Variants in CCDC86 observed in about 807,000 individuals in gnomAD.
CCDC86 encodes the protein coiled-coil domain containing 86.
In CCDC86, 28 loss-of-function variants were observed where a neutral mutation model predicts 36.7. The observed-to-expected ratio is 0.76, with a 90% CI of 0.57 to 1.05. The LOEUF (loss-of-function observed/expected upper bound fraction) is 1.05, where lower values mean the gene tolerates loss of function less well. Among genes scored for constraint, CCDC86 ranks in the 50% least tolerant of loss-of-function variants. CCDC86 has a pLI of 0.00. For synonymous variants in CCDC86, 199 were observed against 203.4 expected, an observed-to-expected ratio of 0.98 and a Z score of 0.18; for missense variants, 453 against 470.2, an observed-to-expected ratio of 0.96 and a Z score of 0.34.
intron 1 of CCDC86, 23 bp downstream of exon 1, chr11:60,842,905 CA>C (rs1182416164): frequency 2.6e-6 from 4 of 1,540,816 alleles, no homozygotes; most frequent in Admixed American, 4.0e-5. Flanking sequence ...ACAGCATGGA[CA>C]GGGGTGGCGT....
chr11:60,842,755 G>A lies in CCDC86; in HGVS notation c.631G>A (p.Ala211Thr), dbSNP rs746333569. ...GGAGACGGTGACAGGCGGCTTCGGG[G>A]CAAAGAAGCGAAAAGGTTCTTCATC... The part of the protein sequence containing the change: ...AGETVTGGFG[A>T]KKRKGSSSQA... Residue 211 changes from alanine to threonine, a missense_variant, in exon 1 of 4, where the codon GCA (alanine) becomes ACA (threonine). Coordinates refer to ENST00000227520, the MANE Select transcript of CCDC86 (RefSeq NM_024098.4). 3.7e-6 allele frequency: 6 copies of A among 1,613,422 alleles called. No homozygotes were observed. The highest frequency in any genetic ancestry group is 1.7e-5 in the Admixed American group (1 of 59,986).
chr11:60,845,674 A>T (rs1018713873), intron 1 of CCDC86, among the ~76,000 whole-genome samples: 1 of 152,242 alleles, frequency 6.6e-6, no homozygotes, highest in Non-Finnish European at 1.5e-5. Flanking sequence ...CACTTTCTCC[A>T]TAGTGCCCTT....
Position 60,850,485 on chromosome 11 carries a change from C to A in CCDC86, c.*160C>A. On this transcript the variant is annotated 3_prime_UTR_variant, in exon 4 of 4. Coordinates refer to ENST00000227520, the MANE Select transcript of CCDC86 (RefSeq NM_024098.4). ...GGGCTCCTCGGCCTTTGAAGGCTTCCAGGCAGGTCTGTGTGGGACAGAAGC... is the reference window on the plus strand; with the variant it reads ...GGGCTCCTCGGCCTTTGAAGGCTTCAAGGCAGGTCTGTGTGGGACAGAAGC... 1.1e-6 allele frequency: 1 copy of A among 933,236 alleles called. No homozygotes were observed. Among genetic ancestry groups the A allele is most frequent in the Non-Finnish European group, 1.6e-6 (1 of 641,054 alleles). The allele number at this position is 933,236 out of a possible 1,614,324, so 57.8% of individuals were successfully genotyped here. A position where few individuals can be genotyped will look rare whatever the true frequency, so the allele number is the denominator to read the frequency against.
At chr11:60,850,113 A>T in intron 3 of CCDC86, 93 bp from the exon 4 acceptor site, 1 of 1,606,430 alleles carries the variant, frequency 6.2e-7, no homozygotes, top group South Asian at 1.1e-5. Flanking sequence ...TCATGCTACG[A>T]TCTCAGGCCC....
Position 60,842,614 on chromosome 11 carries a change from T to C in CCDC86, c.490T>C (p.Tyr164His). The C allele has an allele frequency of 6.2e-7, 1 of 1,613,594 alleles. No homozygotes were observed. The highest frequency in any genetic ancestry group is 2.2e-5 in the East Asian group (1 of 44,858). Residue 164 changes from tyrosine to histidine, a missense_variant, in exon 1 of 4, where the codon TAC becomes CAC. By Grantham distance (83) the Tyr-to-His change is moderately conservative (BLOSUM62 2). Transcript: ENST00000227520. ...GCCGGTCCCAGGATCACCAGAGCCT[T>C]ACCCCGGTCAGCAAGCTCCCGGTCC... The part of the protein sequence containing the change: ...LPPVPGSPEP[Y>H]PGQQAPGPEP...
intron 1 of CCDC86, among the ~76,000 whole-genome samples, chr11:60,845,912 C>T (rs759247573): frequency 1.3e-5 from 2 of 152,168 alleles, no homozygotes; most frequent in Non-Finnish European, 2.9e-5. Flanking sequence ...CTGGAACTGC[C>T]CTGCCTCAGT....
intron 3 of CCDC86, 95 bp from the exon 4 acceptor site, chr11:60,850,111 C>T (rs1184664974): frequency 4.4e-6 from 7 of 1,605,990 alleles, no homozygotes; most frequent in Admixed American, 3.3e-5. Context: ...TCTCATGCTA[C>T]GATCTCAGGC....
intron 2 of CCDC86, 75 bp from the exon 3 acceptor site, chr11:60,849,865 G>A (rs41496848): frequency 0.024 from 30,330 of 1,272,054 alleles, 487 homozygotes; most frequent in South Asian, 0.048. Context: ...CTGCCCGCTC[G>A]CACTCTTCTG....
chr11:60,843,519 G>A (rs749950654), intron 1 of CCDC86, among the ~76,000 whole-genome samples: 25 of 152,162 alleles, frequency 1.6e-4, no homozygotes, highest in Non-Finnish European at 3.1e-4. Flanking sequence ...AAGCCTGTGT[G>A]CAAAAAACCC....
Position 60,850,532 on chromosome 11 carries a change from G to A in CCDC86, c.*207G>A. 1.7e-6 allele frequency: 1 copy of A among 590,990 alleles called. No individual in the cohort carries two copies. Among genetic ancestry groups the A allele is most frequent in the Non-Finnish European group, 2.9e-6 (1 of 345,926 alleles). 36.6% of individuals were successfully genotyped at this position (590,990 alleles called of 1,614,324 possible). On this transcript the variant is annotated 3_prime_UTR_variant, in exon 4 of 4. Coordinates refer to ENST00000227520, the MANE Select transcript of CCDC86 (RefSeq NM_024098.4). Reference sequence around the variant, plus strand: ...AAGCCCAGAGGGGGCCTGGGACCTGGCAGAGATGGGGGCGGGAAGAGATTC... The same window carrying A: ...AAGCCCAGAGGGGGCCTGGGACCTGACAGAGATGGGGGCGGGAAGAGATTC...
chr11:60,847,975 G>T lies in CCDC86; in HGVS notation c.810G>T (p.Lys270Asn). 1.2e-6 allele frequency: 2 copies of T among 1,613,758 alleles called. No individual in the cohort carries two copies. Among genetic ancestry groups the T allele is most frequent in the South Asian group, 2.2e-5 (2 of 91,044 alleles). Residue 270 changes from lysine to asparagine, a missense_variant, in exon 2 of 4, where the codon AAG becomes AAT. Lys to Asn is a moderately conservative substitution (Grantham distance 94). Coordinates refer to ENST00000227520, the MANE Select transcript of CCDC86 (RefSeq NM_024098.4). Reference sequence around the variant, plus strand: ...CCCTGCGCACATCGTGGCAGCGGAAGATGAAGGAACGACAGGAGAGGAAGC... The same window carrying T: ...CCCTGCGCACATCGTGGCAGCGGAATATGAAGGAACGACAGGAGAGGAAGC... ...DKPLRTSWQR[K>N]MKERQERKLA...
Position 60,850,385 on chromosome 11 carries a change from C to G in CCDC86, c.*60C>G. The G allele has an allele frequency of 6.3e-7, 1 of 1,585,574 alleles. No individual in the cohort carries two copies. The highest frequency in any genetic ancestry group is 1.1e-5 in the South Asian group (1 of 88,866). ...ACCATGTCAGACACAGCACCTCAGG[C>G]CGCTGCTCAGATGCCTCTGCTGGAG... On this transcript the variant is annotated 3_prime_UTR_variant, in exon 4 of 4. Transcript: ENST00000227520.
At position 60,842,689 on chromosome 11, in the gene CCDC86, C is replaced by T. The variant is rs775733321; in HGVS notation, c.565C>T (p.Pro189Ser). 1.1e-5 allele frequency: 18 copies of T among 1,613,854 alleles called. No individual in the cohort carries two copies. The African/African-American group carries it at 2.0e-4, about 18-fold the overall frequency. ...GCTGACACCCAGGGCACCTGGCTCCCCCCGGGGTCAGCATGAGCCGAGCAA... is the reference window on the plus strand; with the variant it reads ...GCTGACACCCAGGGCACCTGGCTCCTCCCGGGGTCAGCATGAGCCGAGCAA... ...LELTPRAPGS[P>S]RGQHEPSKPP... The change falls in exon 1 of 4, where the codon CCC (proline) becomes TCC (serine). Residue 189 changes from proline (P) to serine (S), a missense_variant. Pro to Ser is a moderately conservative substitution (Grantham distance 74, BLOSUM62 -1). Coordinates refer to ENST00000227520, the MANE Select transcript of CCDC86 (RefSeq NM_024098.4).
chr11:60,847,650 T>A (rs1208505442), intron 1 of CCDC86: 1 of 223,516 alleles, frequency 4.5e-6, no homozygotes, highest in African/African-American at 2.3e-5. Context: ...ATTTAACCTC[T>A]CCGCGCCTTG....
At position 60,850,492 on chromosome 11, in the gene CCDC86, G is replaced by T; in HGVS notation, c.*167G>T. On this transcript the variant is annotated 3_prime_UTR_variant, in exon 4 of 4. Coordinates refer to ENST00000227520, the MANE Select transcript of CCDC86 (RefSeq NM_024098.4). ...TCGGCCTTTGAAGGCTTCCAGGCAGGTCTGTGTGGGACAGAAGCCCAGAGG... is the reference window on the plus strand; with the variant it reads ...TCGGCCTTTGAAGGCTTCCAGGCAGTTCTGTGTGGGACAGAAGCCCAGAGG... The T allele has an allele frequency of 1.2e-6, 1 of 866,078 alleles. No homozygotes were observed. The highest frequency in any genetic ancestry group is 1.7e-6 in the Non-Finnish European group (1 of 581,186). 53.6% of individuals were successfully genotyped at this position (866,078 alleles called of 1,614,324 possible).
At chr11:60,847,068 T>A (rs1007158467) in intron 1 of CCDC86, among the ~76,000 whole-genome samples, 2 of 151,568 alleles carry the variant, frequency 1.3e-5, no homozygotes, top group African/African-American at 4.9e-5. Context: ...GGGAAGAGAT[T>A]CTTTTTCTTT....
At position 60,850,519 on chromosome 11, in the gene CCDC86, G is replaced by T; in HGVS notation, c.*194G>T. On this transcript the variant is annotated 3_prime_UTR_variant, in exon 4 of 4. Coordinates refer to ENST00000227520, the MANE Select transcript of CCDC86 (RefSeq NM_024098.4). ...CTGTGTGGGACAGAAGCCCAGAGGG[G>T]GCCTGGGACCTGGCAGAGATGGGGG... 1.6e-6 allele frequency: 1 copy of T among 630,864 alleles called. No homozygotes were observed. The highest frequency in any genetic ancestry group is 2.6e-6 in the Non-Finnish European group (1 of 387,522). 39.1% of individuals were successfully genotyped at this position (630,864 alleles called of 1,614,324 possible).
intron 2 of CCDC86, among the ~76,000 whole-genome samples, chr11:60,848,273 G>A (rs1855212847): frequency 7.2e-6 from 1 of 138,306 alleles, no homozygotes; most frequent in South Asian, 2.8e-4. Flanking sequence ...ATACAGTTTA[G>A]CCTGGGCTGC....
In CCDC86 at chr11:60,850,035, CTCTGCCCT is replaced by C. The variant is rs1855238091; in HGVS notation, c.963+29_963+36del. On this transcript the variant is annotated intron_variant, in intron 3 of 3. Coordinates refer to ENST00000227520, the MANE Select transcript of CCDC86 (RefSeq NM_024098.4). ...AAGTGGTGAGTGTCTCGTTTTCCCCCTCTGCCCTTCTGCCCCACTTGGGGGTGCAAACC... is the reference window on the plus strand; with the variant it reads ...AAGTGGTGAGTGTCTCGTTTTCCCCCTCTGCCCCACTTGGGGGTGCAAACC... The C allele has an allele frequency of 2.5e-6, 4 of 1,613,124 alleles. No homozygotes were observed. The East Asian group carries it at 8.9e-5, about 36-fold the overall frequency.
Sources: allele counts gnomAD v4.1 joint callset (sites outside exome capture counted in the v4.1 genomes callset), GRCh38; gene constraint gnomAD v4.1.1; transcripts MANE v1.5; gene names NCBI Gene and HGNC (gene_info 2026-07-23, HGNC 2026-07-21).